The following RBFOX1 variants were observed in gnomAD, a reference collection of about 807,000 sequenced individuals.
RBFOX1 encodes RNA binding protein fox-1 homolog 1.
RBFOX1 carries 8 observed loss-of-function variants against 57.7 expected under a neutral mutation model. The ratio of observed to expected loss-of-function variants is 0.14; its 90% CI spans 0.08 to 0.25. The LOEUF (loss-of-function observed/expected upper bound fraction) is 0.25. Ranked by LOEUF, RBFOX1 falls within the 10% of genes least tolerant of loss-of-function variation. RBFOX1 has a pLI of 1.00. For missense variants in RBFOX1, 611 were observed against 548.5 expected (o/e 1.11, Z -1.14); for synonymous variants, 326 against 222.4 (o/e 1.47, Z -4.15).
At chr16:7,176,956 G>C (rs1010729407) in intron 4 of RBFOX1, among the ~76,000 whole-genome samples, 3 of 152,086 alleles carry the variant, frequency 2.0e-5, no homozygotes, top group African/African-American at 4.8e-5. Flanking sequence ...TATCGCTTTA[G>C]TAATTCATTT....
At chr16:7,274,047 C>T (rs988426338) in intron 4 of RBFOX1, among the ~76,000 whole-genome samples, 17 of 152,176 alleles carry the variant, frequency 1.1e-4, no homozygotes, top group Admixed American at 1.0e-3. Flanking sequence ...TTTGAAATGA[C>T]ACAAAGTACT....
At chr16:7,254,865 G>A (rs2153039733) in intron 4 of RBFOX1, among the ~76,000 whole-genome samples, 1 of 152,136 alleles carries the variant, frequency 6.6e-6, no homozygotes, top group Admixed American at 6.5e-5. Context: ...GTCTGAAATA[G>A]GTATGAATTT....
chr16:5,348,586 C>A (rs982748023), intron 1 of RBFOX1, among the ~76,000 whole-genome samples: 1 of 152,266 alleles, frequency 6.6e-6, no homozygotes, highest in South Asian at 2.1e-4. Context: ...TTGCTCTTAA[C>A]CCCCCATTAT....
chr16:7,385,289 G>A (rs532665501), intron 4 of RBFOX1, among the ~76,000 whole-genome samples: 35 of 152,218 alleles, frequency 2.3e-4, no homozygotes, highest in Non-Finnish European at 4.8e-4. Flanking sequence ...CAGTTAGGAA[G>A]CTGTCTGGGA....
At chr16:6,876,805 C>T (rs1050911346) in intron 3 of RBFOX1, among the ~76,000 whole-genome samples, 1 of 152,040 alleles carries the variant, frequency 6.6e-6, no homozygotes, top group African/African-American at 2.4e-5. Context: ...ATAACTGTAT[C>T]TGCTAAAACT....
intron 2 of RBFOX1, among the ~76,000 whole-genome samples, chr16:6,433,180 G>T (rs572620016): frequency 6.6e-6 from 1 of 152,314 alleles, no homozygotes; most frequent in South Asian, 2.1e-4. Context: ...TGGATACAGT[G>T]AAAAGCAGTC....
chr16:6,730,152 A>G (rs2068173302), intron 3 of RBFOX1, among the ~76,000 whole-genome samples: 1 of 152,148 alleles, frequency 6.6e-6, no homozygotes, highest in Admixed American at 6.6e-5. Context: ...CCCTAAAAGA[A>G]GCCTTAAATA....
intron 3 of RBFOX1, among the ~76,000 whole-genome samples, chr16:6,836,100 G>A (rs903085245): frequency 6.6e-6 from 1 of 152,212 alleles, no homozygotes; most frequent in Admixed American, 6.5e-5. Context: ...ATAGAAATGG[G>A]AGACAATCAT....
At chr16:6,513,634 C>T (rs1376040730) in intron 2 of RBFOX1, among the ~76,000 whole-genome samples, 7 of 151,900 alleles carry the variant, frequency 4.6e-5, no homozygotes, top group African/African-American at 7.3e-5. Flanking sequence ...TTCGGGAGGC[C>T]GAGGCAGAAG....
intron 2 of RBFOX1, among the ~76,000 whole-genome samples, chr16:5,474,802 C>T (rs2069264497): frequency 6.6e-6 from 1 of 152,066 alleles, no homozygotes; most frequent in Non-Finnish European, 1.5e-5. Context: ...TAGTTTATTT[C>T]TGTTTGTTTT....
chr16:6,108,133 T>G lies in RBFOX1; in HGVS notation c.-127+88141T>G, dbSNP rs569147994. Among the ~76,000 whole-genome samples, 5 of 152,322 alleles carry G rather than the reference T, an allele frequency of 3.3e-5. No individual in the cohort carries two copies. The South Asian group carries it at 6.2e-4, about 19-fold the overall frequency. ...CATGTATTACTTCTTAAAAAAATCT[T>G]TAATGACTAGGAATGTATTTTAATA... On this transcript the variant is annotated intron_variant, in intron 1 of 15. Transcript: ENST00000550418.
chr16:6,016,803 AG>A (rs2094996511), upstream of RBFOX1, among the ~76,000 whole-genome samples: 1 of 152,218 alleles, frequency 6.6e-6, no homozygotes, highest in South Asian at 2.1e-4. Context: ...CTCAACATGG[AG>A]AAATGACAGG....
At chr16:6,208,151 T>C (rs914953174) in intron 1 of RBFOX1, among the ~76,000 whole-genome samples, 1 of 152,032 alleles carries the variant, frequency 6.6e-6, no homozygotes, top group Non-Finnish European at 1.5e-5. Context: ...TATAATTATA[T>C]ATGTTATGTT....
At chr16:6,791,727 C>A (rs73530781) in intron 3 of RBFOX1, among the ~76,000 whole-genome samples, 22 of 152,106 alleles carry the variant, frequency 1.4e-4, no homozygotes, top group African/African-American at 5.1e-4. Context: ...CCACACTGCA[C>A]TGCAGCCTGG....
At chr16:5,917,261 C>T (rs554829165) in intron 4 of RBFOX1, among the ~76,000 whole-genome samples, 14 of 152,228 alleles carry the variant, frequency 9.2e-5, no homozygotes, top group Admixed American at 3.9e-4. Flanking sequence ...TTAAAACATG[C>T]CCATGGAAGC....
chr16:6,520,513 C>T (rs570340476), intron 2 of RBFOX1, among the ~76,000 whole-genome samples: 5 of 152,220 alleles, frequency 3.3e-5, no homozygotes, highest in South Asian at 4.2e-4. Context: ...AATTATTCAA[C>T]GTAACTGCCA....
chr16:6,537,394 T>C (rs1241328243), intron 2 of RBFOX1, among the ~76,000 whole-genome samples: 1 of 152,194 alleles, frequency 6.6e-6, no homozygotes, highest in African/African-American at 2.4e-5. Context: ...TAGGTATTCA[T>C]ATAGAATAGC....
chr16:5,521,519 T>A (rs1158520992), intron 2 of RBFOX1, among the ~76,000 whole-genome samples: 1 of 43,262 alleles, frequency 2.3e-5, no homozygotes, highest in African/African-American at 6.6e-5. Context: ...CGAACCTATC[T>A]GTAAACTATT....
chr16:7,423,225 C>T (rs533944416), intron 4 of RBFOX1, among the ~76,000 whole-genome samples: 39 of 152,108 alleles, frequency 2.6e-4, no homozygotes, highest in Non-Finnish European at 4.4e-4. Context: ...AAGACCAGTT[C>T]GTGGGGTACC....
Sources: gnomAD v4.1 joint callset for allele counts (sites outside exome capture counted in the v4.1 genomes callset) on GRCh38, gnomAD v4.1.1 for gene constraint, MANE v1.5 for transcripts, NCBI Gene and HGNC (gene_info 2026-07-23, HGNC 2026-07-21) for gene names.